The following HTR4 variants were observed in gnomAD, a reference collection of about 807,000 sequenced individuals.
The protein encoded by HTR4 is 5-hydroxytryptamine receptor 4, also known as 5-hydroxytryptamine (serotonin) receptor 4, G protein-coupled.
Under a neutral mutation model 36.8 loss-of-function variants are expected in HTR4, and 16 were observed. That is an observed-to-expected ratio of 0.43 (90% confidence interval 0.29 to 0.66). The LOEUF (loss-of-function observed/expected upper bound fraction) is 0.66. HTR4 is among the 30% of genes least tolerant of loss of function. The pLI is 0.13. For synonymous variants in HTR4, 189 were observed against 185.1 expected (o/e 1.02, Z -0.17); for missense variants, 438 against 490.9 (o/e 0.89, Z 1.02).
chr5:148,484,392 G>T (rs1756049912), intron 6 of HTR4: 2 of 1,606,502 alleles, frequency 1.2e-6, no homozygotes, highest in Non-Finnish European at 8.5e-7. Context: ...AGCAGATAAA[G>T]AAATTATTTG....
At chr5:148,597,907 A>G (rs1014673839) in intron 2 of HTR4, among the ~76,000 whole-genome samples, 2 of 152,224 alleles carry the variant, frequency 1.3e-5, no homozygotes, top group African/African-American at 4.8e-5. Context: ...CATTCCATAA[A>G]AGATTTTGTT....
intron 2 of HTR4, among the ~76,000 whole-genome samples, chr5:148,582,054 G>T (rs1761156797): frequency 6.6e-6 from 1 of 151,786 alleles, no homozygotes; most frequent in African/African-American, 2.4e-5. Flanking sequence ...TCCTTAGTTA[G>T]GTTTATTCCT....
Position 148,509,202 on chromosome 5 carries a change from G to A in HTR4, c.1076+254C>T, listed in dbSNP as rs181856253. ...TAAGTTTTTAAAAAATGAAATTGAG[G>A]TTAATAATGTTTAAACGACCTGCCC... is the stretch of plus-strand genomic sequence containing the variant. On this transcript the variant is annotated intron_variant, in intron 6 of 6. Transcript: ENST00000377888. The A allele has an allele frequency of 8.3e-5, 35 of 420,410 alleles. No individual in the cohort carries two copies. The East Asian group carries it at 1.3e-3, about 16-fold the overall frequency. The allele number at this position is 420,410 out of a possible 1,614,324, so 26.0% of individuals were successfully genotyped here.
At chr5:148,637,890 A>G (rs770843629) in intron 1 of HTR4, among the ~76,000 whole-genome samples, 2 of 152,180 alleles carry the variant, frequency 1.3e-5, no homozygotes, top group Non-Finnish European at 2.9e-5. Context: ...CACCATGAGC[A>G]AGTCCCTTTT....
At chr5:148,456,219 A>G (rs1458992263) in intron 5 of HTR4, among the ~76,000 whole-genome samples, 1 of 152,184 alleles carries the variant, frequency 6.6e-6, no homozygotes, top group Non-Finnish European at 1.5e-5. Flanking sequence ...TGATTCAAGC[A>G]TATATTTTTA....
intron 6 of HTR4, among the ~76,000 whole-genome samples, chr5:148,499,395 A>G (rs1234296071): frequency 1.3e-5 from 2 of 152,206 alleles, no homozygotes; most frequent in Non-Finnish European, 2.9e-5. Flanking sequence ...AGGTATGCCT[A>G]TAAAATTGTA....
At chr5:148,574,948 A>G (rs781760519) in intron 2 of HTR4, among the ~76,000 whole-genome samples, 26 of 152,110 alleles carry the variant, frequency 1.7e-4, no homozygotes, top group Non-Finnish European at 2.6e-4. Context: ...GCATGATAGG[A>G]TAACTAATGA....
At chr5:148,568,503 G>A (rs1412405006) in intron 2 of HTR4, among the ~76,000 whole-genome samples, 2 of 152,102 alleles carry the variant, frequency 1.3e-5, no homozygotes, top group Non-Finnish European at 2.9e-5. Flanking sequence ...CATAGAGCAA[G>A]TGGTAATGAA....
At chr5:148,620,580 T>C (rs1752878777) in intron 2 of HTR4, among the ~76,000 whole-genome samples, 1 of 152,210 alleles carries the variant, frequency 6.6e-6, no homozygotes, top group South Asian at 2.1e-4. Context: ...CTTTAATAAT[T>C]TGCATATTGA....
downstream of HTR4, among the ~76,000 whole-genome samples, chr5:148,473,230 A>G (rs550234434): frequency 3.6e-4 from 55 of 151,114 alleles, 1 homozygote; most frequent in South Asian, 2.1e-3. Context: ...CGCAGAAGGC[A>G]GAGGTTGCAT....
At chr5:148,457,381 G>A (rs540211147) in intron 5 of HTR4, among the ~76,000 whole-genome samples, 3 of 152,088 alleles carry the variant, frequency 2.0e-5, no homozygotes, top group East Asian at 1.9e-4. Flanking sequence ...CATGACGGGA[G>A]CCACATTAGA....
intron 5 of HTR4, among the ~76,000 whole-genome samples, chr5:148,453,109 C>A (rs980123718): frequency 6.6e-6 from 1 of 152,200 alleles, no homozygotes; most frequent in Admixed American, 6.5e-5. Context: ...CTATATACGT[C>A]ATTCCTGGAA....
At position 148,582,314 on chromosome 5, in the gene HTR4, A is replaced by T. The variant is rs116113196; in HGVS notation, c.27-32052T>A. ...TTTTTTATAATTTCAAATTTGATTT[A>T]AGATGCAAGGGGTACATGTGTGGGT... is the stretch of plus-strand genomic sequence containing the variant. On this transcript the variant is annotated intron_variant, in intron 2 of 6. Coordinates refer to ENST00000377888, the MANE Select transcript of HTR4 (RefSeq NM_000870.7). Among the ~76,000 whole-genome samples the T allele has an allele frequency of 7.1e-3, 1,073 of 152,166 alleles. 9 individuals carry two copies. The highest frequency in any genetic ancestry group is 0.024 in the African/African-American group (1,011 of 41,526).
At chr5:148,524,222 C>G (rs138248841) in intron 4 of HTR4, among the ~76,000 whole-genome samples, 2 of 152,304 alleles carry the variant, frequency 1.3e-5, no homozygotes, top group Non-Finnish European at 2.9e-5. Context: ...AACACGTACA[C>G]TTCTTGGCAT....
intron 6 of HTR4, chr5:148,484,397 T>C: frequency 6.2e-7 from 1 of 1,604,934 alleles, no homozygotes; most frequent in African/African-American, 1.3e-5. Flanking sequence ...ATAAAGAAAT[T>C]ATTTGGCATG....
intron 2 of HTR4, among the ~76,000 whole-genome samples, chr5:148,590,958 T>C (rs1581517633): frequency 6.6e-6 from 1 of 152,304 alleles, no homozygotes; most frequent in South Asian, 2.1e-4. Flanking sequence ...TTTTACAGTT[T>C]TGGGTTTTAC....
chr5:148,623,989 T>C (rs1390407866), intron 2 of HTR4, among the ~76,000 whole-genome samples: 1 of 152,192 alleles, frequency 6.6e-6, no homozygotes, highest in Non-Finnish European at 1.5e-5. Flanking sequence ...TCTGGGATGA[T>C]ATAGACGTTC....
intron 6 of HTR4, 34 bp from the exon 7 acceptor site, chr5:148,483,327 T>C (rs201438004): frequency 2.5e-6 from 4 of 1,578,458 alleles, no homozygotes; most frequent in East Asian, 4.6e-5. Context: ...AACCTCAGAA[T>C]TGGAAAGGAT....
Position 148,483,442 on chromosome 5 carries a change from C to T in HTR4, c.1077-149G>A, listed in dbSNP as rs1485923500. On this transcript the variant is annotated intron_variant, in intron 6 of 6. Transcript: ENST00000377888. ...CTACTTAGGAATTTCCATTGACAGGCCAGTCCATATTAATTTTTGGCAATA... is the reference window on the plus strand; with the variant it reads ...CTACTTAGGAATTTCCATTGACAGGTCAGTCCATATTAATTTTTGGCAATA... 1.7e-5 allele frequency: 12 copies of T among 687,608 alleles called. No homozygotes were observed. In the South Asian group the frequency reaches 1.8e-4, roughly 11 times the overall value. 42.6% of individuals were successfully genotyped at this position (687,608 alleles called of 1,614,324 possible). A position where few individuals can be genotyped will look rare whatever the true frequency, so the allele number is the denominator to read the frequency against.
Sources: gnomAD v4.1 joint callset for allele counts (sites outside exome capture counted in the v4.1 genomes callset) on GRCh38, gnomAD v4.1.1 for gene constraint, MANE v1.5 for transcripts, NCBI Gene and HGNC (gene_info 2026-07-23, HGNC 2026-07-21) for gene names.